Variants in GPBP1 observed in about 807,000 individuals in gnomAD.
GPBP1 encodes GC-rich promoter binding protein 1.
A neutral mutation model predicts 56.5 loss-of-function variants in GPBP1; 13 were observed. The ratio of observed to expected loss-of-function variants is 0.23; its 90% CI spans 0.15 to 0.37. The LOEUF (loss-of-function observed/expected upper bound fraction) is 0.37, where lower values mean the gene tolerates loss of function less well. Ranked by LOEUF, GPBP1 falls within the 10% of genes least tolerant of loss-of-function variation. GPBP1 has a pLI of 1.00. For missense variants in GPBP1, 477 were observed against 572.3 expected (o/e 0.83, Z 1.70); for synonymous variants, 204 against 188.9 (o/e 1.08, Z -0.66).
intron 2 of GPBP1, among the ~76,000 whole-genome samples, chr5:57,196,476 C>G (rs762588084): frequency 6.6e-6 from 1 of 152,126 alleles, no homozygotes; most frequent in Admixed American, 6.6e-5. Context: ...TGTTTTCCAC[C>G]TGTTTTGTGT....
intron 2 of GPBP1, among the ~76,000 whole-genome samples, chr5:57,200,821 A>G (rs1205833039): frequency 2.0e-5 from 3 of 152,178 alleles, no homozygotes; most frequent in Non-Finnish European, 2.9e-5. Context: ...AGCTGGGACT[A>G]CAGGCGCTAG....
chr5:57,229,758 C>G (rs13156045), intron 3 of GPBP1, among the ~76,000 whole-genome samples: 1 of 151,692 alleles, frequency 6.6e-6, no homozygotes. Context: ...GGTCTGGTCT[C>G]GAACTCCTGA....
intron 6 of GPBP1, among the ~76,000 whole-genome samples, chr5:57,238,860 C>G (rs1415071423): frequency 3.3e-5 from 5 of 152,080 alleles, no homozygotes; most frequent in Non-Finnish European, 7.4e-5. Context: ...GCTCAGAGTT[C>G]TTTTGGTTTG....
chr5:57,182,012 T>C (rs1096564), intron 2 of GPBP1, among the ~76,000 whole-genome samples: 50,736 of 152,134 alleles, frequency 0.33, 9,570 homozygotes, highest in Non-Finnish European at 0.43. Flanking sequence ...TTTAGTTTCT[T>C]GGTCTTTAGT....
chr5:57,211,041 A>G (rs1755454230), intron 2 of GPBP1, among the ~76,000 whole-genome samples: 2 of 152,238 alleles, frequency 1.3e-5, no homozygotes, highest in South Asian at 2.1e-4. Context: ...ACACAGGGAA[A>G]GGAAGAAGAG....
intron 2 of GPBP1, among the ~76,000 whole-genome samples, chr5:57,182,769 G>C (rs535375812): frequency 1.3e-5 from 2 of 149,520 alleles, no homozygotes; most frequent in Non-Finnish European, 3.0e-5. Flanking sequence ...CTGCCATCTC[G>C]ACCTCCTAGG....
At chr5:57,214,545 A>C (rs1755624728) in intron 3 of GPBP1, among the ~76,000 whole-genome samples, 1 of 152,216 alleles carries the variant, frequency 6.6e-6, no homozygotes, top group Non-Finnish European at 1.5e-5. Context: ...AGGTCGCGCC[A>C]TTGCACTCCA....
At chr5:57,232,747 C>T (rs888781806) in intron 5 of GPBP1, among the ~76,000 whole-genome samples, 4 of 152,192 alleles carry the variant, frequency 2.6e-5, no homozygotes, top group African/African-American at 9.7e-5. Context: ...GGTGTACTCT[C>T]ATGGCAAAAC....
chr5:57,257,046 T>G (rs550663438), intron 10 of GPBP1, among the ~76,000 whole-genome samples: 105 of 152,220 alleles, frequency 6.9e-4, no homozygotes, highest in African/African-American at 2.1e-3. Flanking sequence ...TTTTGTTTTT[T>G]TTTTGAGATG....
In GPBP1 at chr5:57,175,922, G is replaced by A; in HGVS notation, c.-536G>A. 2.5e-6 allele frequency: 1 copy of A among 398,488 alleles called. No homozygotes were observed. The highest frequency in any genetic ancestry group is 3.6e-5 in the East Asian group (1 of 28,054). 24.7% of individuals were successfully genotyped at this position (398,488 alleles called of 1,614,324 possible). A position where few individuals can be genotyped will look rare whatever the true frequency, so the allele number is the denominator to read the frequency against. On this transcript the variant is annotated 5_prime_UTR_variant, in exon 2 of 12. Coordinates refer to ENST00000506184, the MANE Select transcript of GPBP1 (RefSeq NM_022913.4). Reference sequence around the variant, plus strand: ...CAATGGGACACTTTTTCTGAATGAAGAGATTGAAAGAATACAGAGTTTTTT... The same window carrying A: ...CAATGGGACACTTTTTCTGAATGAAAAGATTGAAAGAATACAGAGTTTTTT...
chr5:57,217,160 A>G (rs1396334583), intron 3 of GPBP1, among the ~76,000 whole-genome samples: 1 of 152,156 alleles, frequency 6.6e-6, no homozygotes, highest in Non-Finnish European at 1.5e-5. Flanking sequence ...TAGTCTGCAA[A>G]GTGGAAAATA....
chr5:57,181,606 G>C (rs1214821066), intron 2 of GPBP1, among the ~76,000 whole-genome samples: 1 of 151,352 alleles, frequency 6.6e-6, no homozygotes, highest in African/African-American at 2.4e-5. Flanking sequence ...AAAAAAGGTG[G>C]GGGGGCGGTG....
chr5:57,220,463 T>G (rs1402293260), intron 3 of GPBP1, among the ~76,000 whole-genome samples: 1 of 149,092 alleles, frequency 6.7e-6, no homozygotes, highest in East Asian at 2.0e-4. Context: ...ATTTAAACTT[T>G]TTTTTTTTTT....
intron 6 of GPBP1, among the ~76,000 whole-genome samples, chr5:57,240,243 T>C (rs1157119630): frequency 6.6e-6 from 1 of 152,020 alleles, no homozygotes; most frequent in Non-Finnish European, 1.5e-5. Flanking sequence ...AGAGCAAGAC[T>C]CTTTCTCCAA....
intron 6 of GPBP1, among the ~76,000 whole-genome samples, chr5:57,241,473 C>T (rs564447774): frequency 1.3e-5 from 2 of 152,218 alleles, no homozygotes; most frequent in South Asian, 4.2e-4. Context: ...GGCCTGTAAT[C>T]CTAGCACTTT....
intron 3 of GPBP1, chr5:57,221,347 T>G: frequency 6.6e-7 from 1 of 1,503,858 alleles, no homozygotes; most frequent in Non-Finnish European, 9.0e-7. Context: ...ATAATGCCAA[T>G]TGTGACTGAT....
chr5:57,254,295 A>ATAT (rs771912528), intron 10 of GPBP1, among the ~76,000 whole-genome samples: 5 of 152,030 alleles, frequency 3.3e-5, no homozygotes, highest in Non-Finnish European at 7.4e-5. Flanking sequence ...CTTTAATCAT[A>ATAT]TATTATTACT....
rs559139984 is a variant in GPBP1, at chr5:57,187,208, C to T, written c.-58+10808C>T. Among the ~76,000 whole-genome samples the T allele has an allele frequency of 2.0e-5, 3 of 151,922 alleles. No individual in the cohort carries two copies. In the South Asian group the frequency reaches 6.2e-4, roughly 32 times the overall value. ...GTTTTTGTGGGTGTGTGAAGTAAGA[C>T]CTGTTGCAAAATAACGTCATCTTGA... On this transcript the variant is annotated intron_variant, in intron 2 of 11. Transcript: ENST00000506184.
chr5:57,224,487 C>T (rs1365376708), intron 3 of GPBP1, among the ~76,000 whole-genome samples: 2 of 152,126 alleles, frequency 1.3e-5, no homozygotes, highest in Non-Finnish European at 2.9e-5. Flanking sequence ...AGGCAGTCCA[C>T]CTGCCTCAGC....
Sources: allele counts gnomAD v4.1 joint callset (sites outside exome capture counted in the v4.1 genomes callset), GRCh38; gene constraint gnomAD v4.1.1; transcripts MANE v1.5; gene names NCBI Gene and HGNC (gene_info 2026-07-23, HGNC 2026-07-21).